SPIDR: variants seen among roughly 807,000 people sequenced by gnomAD.
SPIDR encodes the protein scaffold protein involved in DNA repair, also known as DNA repair-scaffolding protein.
In SPIDR, 93 loss-of-function variants were observed where a neutral mutation model predicts 104.6. That is an observed-to-expected ratio of 0.89 (90% confidence interval 0.75 to 1.06). The LOEUF (loss-of-function observed/expected upper bound fraction) is 1.06, where lower values mean the gene tolerates loss of function less well. Among genes scored for constraint, SPIDR ranks in the 50% least tolerant of loss-of-function variants. The pLI, the probability that SPIDR is intolerant of heterozygous loss-of-function variation, is 0.00. For synonymous variants in SPIDR, 431 were observed against 416.9 expected (o/e 1.03, Z -0.41); for missense variants, 1,154 against 1,111.2 (o/e 1.04, Z -0.55).
Position 47,272,688 on chromosome 8 carries a change from A to G in SPIDR, c.34-7174A>G, listed in dbSNP as rs954843889. ...TTTTTTCCTGGGCACGTGCGTAGTG[A>G]TGCAGGGTTTTTTGCTCCTTAGTTC... On this transcript the variant is annotated intron_variant, in intron 1 of 19. Transcript: ENST00000297423. Among the ~76,000 whole-genome samples, 421 of 152,126 alleles carry G rather than the reference A, an allele frequency of 2.8e-3. 1 individual carries two copies. Among genetic ancestry groups the G allele is most frequent in the African/African-American group, 9.9e-3 (411 of 41,472 alleles).
intron 11 of SPIDR, among the ~76,000 whole-genome samples, chr8:47,685,213 A>AAAAC (rs749170983): frequency 6.6e-6 from 1 of 152,204 alleles, no homozygotes; most frequent in Non-Finnish European, 1.5e-5. Context: ...TCCGTCTCAA[A>AAAAC]AAACAAACAA....
At chr8:47,628,832 G>A (rs1365709904) in intron 10 of SPIDR, among the ~76,000 whole-genome samples, 1 of 152,200 alleles carries the variant, frequency 6.6e-6, no homozygotes, top group African/African-American at 2.4e-5. Context: ...TGGTTTTTTG[G>A]TGTGGCTTGT....
At chr8:47,720,902 C>T (rs373807705) in intron 16 of SPIDR, among the ~76,000 whole-genome samples, 59 of 152,124 alleles carry the variant, frequency 3.9e-4, no homozygotes, top group African/African-American at 1.2e-3. Context: ...GGATTACAGG[C>T]GCCTGCCACC....
At chr8:47,495,971 T>A (rs1350189142) in intron 8 of SPIDR, among the ~76,000 whole-genome samples, 6 of 152,302 alleles carry the variant, frequency 3.9e-5, no homozygotes, top group African/African-American at 1.4e-4. Context: ...TGTTTTTAAT[T>A]TCATTTTCAT....
At chr8:47,549,388 A>T (rs1285144469) in intron 8 of SPIDR, among the ~76,000 whole-genome samples, 1 of 152,194 alleles carries the variant, frequency 6.6e-6, no homozygotes, top group Non-Finnish European at 1.5e-5. Flanking sequence ...TCCCACCAAC[A>T]GTGTAAAAGT....
At chr8:47,474,837 A>G (rs782471651) in intron 8 of SPIDR, among the ~76,000 whole-genome samples, 5 of 152,272 alleles carry the variant, frequency 3.3e-5, no homozygotes, top group Non-Finnish European at 5.9e-5. Flanking sequence ...GTTGCAGAGA[A>G]GAGTACAGTT....
At chr8:47,588,086 T>TATATAC (rs2060511904) in intron 8 of SPIDR, among the ~76,000 whole-genome samples, 2 of 99,854 alleles carry the variant, frequency 2.0e-5, no homozygotes, top group Non-Finnish European at 2.0e-5. Flanking sequence ...TATATATATA[T>TATATAC]ACACGTATGT....
At chr8:47,424,419 C>T (rs2154336368) in intron 7 of SPIDR, among the ~76,000 whole-genome samples, 1 of 152,298 alleles carries the variant, frequency 6.6e-6, no homozygotes, top group South Asian at 2.1e-4. Flanking sequence ...CTCCTGCTAC[C>T]TCAACCTCCA....
At chr8:47,369,275 G>GGT (rs1478280111) in intron 5 of SPIDR, among the ~76,000 whole-genome samples, 4 of 152,132 alleles carry the variant, frequency 2.6e-5, no homozygotes, top group African/African-American at 9.7e-5. Flanking sequence ...TAACAACAAA[G>GGT]GTTACACAGA....
At chr8:47,618,538 C>A (rs2064673799) in intron 10 of SPIDR, among the ~76,000 whole-genome samples, 2 of 151,978 alleles carry the variant, frequency 1.3e-5, no homozygotes, top group African/African-American at 4.8e-5. Context: ...CATGTCAGTG[C>A]ATATTATACA....
intron 8 of SPIDR, among the ~76,000 whole-genome samples, chr8:47,551,016 A>G (rs2090371472): frequency 6.6e-6 from 1 of 152,148 alleles, no homozygotes; most frequent in South Asian, 2.1e-4. Flanking sequence ...TTCTGCATCT[A>G]TTGAGATAAT....
chr8:47,367,750 C>T (rs2057411238), intron 5 of SPIDR, among the ~76,000 whole-genome samples: 1 of 152,162 alleles, frequency 6.6e-6, no homozygotes, highest in Non-Finnish European at 1.5e-5. Flanking sequence ...AAGTCTTGCT[C>T]AGTGTTGTAG....
At chr8:47,302,320 A>G (rs936625158) in intron 5 of SPIDR, among the ~76,000 whole-genome samples, 11 of 150,358 alleles carry the variant, frequency 7.3e-5, no homozygotes, top group Admixed American at 1.3e-4. Flanking sequence ...ACTTCTCTGC[A>G]TTGGTTATTC....
chr8:47,734,544 G>T (rs1429066099), intron 19 of SPIDR, among the ~76,000 whole-genome samples: 1 of 152,144 alleles, frequency 6.6e-6, no homozygotes, highest in Non-Finnish European at 1.5e-5. Flanking sequence ...CACAGAGGAG[G>T]AGTGTGGGGT....
At chr8:47,667,440 GAAAAAAAAAAA>G (rs528607871) in intron 10 of SPIDR, among the ~76,000 whole-genome samples, 68 of 52,606 alleles carry the variant, frequency 1.3e-3, no homozygotes, top group Non-Finnish European at 1.5e-3. Context: ...CTTCAAAAGG[GAAAAAAAAAAA>G]AAAAAAAAAA....
At chr8:47,700,917 G>A (rs2080083190) in intron 12 of SPIDR, among the ~76,000 whole-genome samples, 1 of 152,154 alleles carries the variant, frequency 6.6e-6, no homozygotes, top group African/African-American at 2.4e-5. Flanking sequence ...CAACGTCCTG[G>A]GTAGCCAGGA....
intron 10 of SPIDR, chr8:47,660,343 C>G: frequency 1.7e-6 from 1 of 577,476 alleles, no homozygotes; most frequent in South Asian, 7.6e-5. Context: ...CCAACGTGAA[C>G]AGGGAACCTC....
At chr8:47,453,512 AAC>A (rs1425037191) in intron 8 of SPIDR, among the ~76,000 whole-genome samples, 2 of 152,218 alleles carry the variant, frequency 1.3e-5, no homozygotes. Context: ...CTGGTACCAA[AAC>A]AGAGATACAG....
At chr8:47,661,325 A>C (rs2074069097) in intron 10 of SPIDR, among the ~76,000 whole-genome samples, 1 of 152,160 alleles carries the variant, frequency 6.6e-6, no homozygotes, top group African/African-American at 2.4e-5. Context: ...GCATCCCCTC[A>C]CACCAGGTAT....
Sources: allele counts gnomAD v4.1 joint callset (sites outside exome capture counted in the v4.1 genomes callset), GRCh38; gene constraint gnomAD v4.1.1; transcripts MANE v1.5; gene names NCBI Gene and HGNC (gene_info 2026-07-23, HGNC 2026-07-21).